Variants in LINGO3 observed in about 807,000 individuals in gnomAD.
The protein encoded by LINGO3 is leucine-rich repeat and immunoglobulin-like domain-containing nogo receptor-interacting protein 3.
For missense variants in LINGO3, 750 were observed against 867.7 expected (o/e 0.86, Z 1.70); for synonymous variants, 427 against 444.2 (o/e 0.96, Z 0.49).
upstream of LINGO3, among the ~76,000 whole-genome samples, chr19:2,292,399 CAAAAA>C (rs1156254881): frequency 3.4e-3 from 144 of 42,602 alleles, no homozygotes; most frequent in Non-Finnish European, 5.5e-3. Flanking sequence ...AACCCTGTCT[CAAAAA>C]AAAAAAAAAA....
chr19:2,299,769 G>A, the LINGO3 span, among the ~76,000 whole-genome samples: 7 of 144,664 alleles, frequency 4.8e-5, no homozygotes, highest in Admixed American at 1.4e-4. Context: ...TGACGCCCAG[G>A]CTGGAGTGCA....
upstream of LINGO3, among the ~76,000 whole-genome samples, chr19:2,294,230 G>A (rs2025553842): frequency 6.6e-6 from 1 of 152,116 alleles, no homozygotes. The surrounding 1 kb of genome is among the most constrained non-coding windows in gnomAD (Gnocchi z 4.3). Flanking sequence ...CACACACCTA[G>A]CCCTATACAG....
rs2025506993 is a variant in LINGO3 at position 2,290,429 on chromosome 19, T to C, written c.1348A>G (p.Thr450Ala). 1 of 1,414,354 alleles carries C rather than the reference T, an allele frequency of 7.1e-7. No homozygotes were observed. The highest frequency in any genetic ancestry group is 1.5e-5 in the South Asian group (1 of 65,750). 87.6% of individuals were successfully genotyped at this position (1,414,354 alleles called of 1,614,324 possible). A position where few individuals can be genotyped will look rare whatever the true frequency, so the allele number is the denominator to read the frequency against. ...CGCGCCCGGCCCGCGCTGGTGGCCG[T>C]CACCGGCCGGTGCTGGGGGGTCACC... Residue 450 changes from threonine to alanine, a missense_variant, in exon 1 of 1, where the codon ACG becomes GCG. Thr to Ala is a moderately conservative substitution (Grantham distance 58). Coordinates refer to ENST00000585527, the Ensembl canonical transcript of LINGO3. This position sits in a 1 kb window ranked among gnomAD's most constrained non-coding sequence, Gnocchi z 6.0.
chr19:2,300,328 G>A, the LINGO3 span, among the ~76,000 whole-genome samples: 25 of 151,884 alleles, frequency 1.6e-4, no homozygotes, highest in Non-Finnish European at 2.5e-4. Context: ...CACTGCGCCC[G>A]GCCCCAGGCT....
chr19:2,287,498 C>G (rs546834663), downstream of LINGO3, among the ~76,000 whole-genome samples: 4 of 152,332 alleles, frequency 2.6e-5, no homozygotes, highest in South Asian at 8.3e-4. This position sits in a 1 kb window ranked among gnomAD's most constrained non-coding sequence, Gnocchi z 4.5. Flanking sequence ...TCACTCATGT[C>G]GAGCCCCCTG....
the LINGO3 span, among the ~76,000 whole-genome samples, chr19:2,300,261 A>C: frequency 6.7e-6 from 1 of 149,488 alleles, no homozygotes; most frequent in African/African-American, 2.5e-5. Context: ...CGAACTCCTG[A>C]CCTCAGGTGA....
chr19:2,288,403 C>A (rs1327942169), downstream of LINGO3, among the ~76,000 whole-genome samples: 1 of 152,230 alleles, frequency 6.6e-6, no homozygotes, highest in African/African-American at 2.4e-5. The surrounding 1 kb of genome is among the most constrained non-coding windows in gnomAD (Gnocchi z 6.5). Context: ...CACGGGTCAG[C>A]AGGGCCGGCC....
At chr19:2,293,362 C>G (rs1189672712), upstream of LINGO3, among the ~76,000 whole-genome samples, 3 of 149,738 alleles carry the variant, frequency 2.0e-5, no homozygotes, top group Non-Finnish European at 3.0e-5. Flanking sequence ...CCGCGCCTGG[C>G]CTTTTTTTTT....
chr19:2,288,392 C>A (rs1256685696), downstream of LINGO3, among the ~76,000 whole-genome samples: 1 of 152,226 alleles, frequency 6.6e-6, no homozygotes, highest in Non-Finnish European at 1.5e-5. This position sits in a 1 kb window ranked among gnomAD's most constrained non-coding sequence, Gnocchi z 6.5. Flanking sequence ...CCCACCTGAG[C>A]CACGGGTCAG....
chr19:2,290,899 A>T lies in LINGO3; in HGVS notation c.878T>A (p.Leu293Gln). 1 of 1,611,204 alleles carries T rather than the reference A, an allele frequency of 6.2e-7. No homozygotes were observed. The highest frequency in any genetic ancestry group is 1.1e-5 in the South Asian group (1 of 90,950). ...CAGGTGCAGCTCGCGCAGGCGGACC[A>T]GGTCCCGGAACGACCCCCGCGGCAC... Residue 293 changes from leucine (L) to glutamine (Q), a missense_variant, in exon 1 of 1, where the codon CTG (leucine) becomes CAG (glutamine). Physicochemically the swap from Leu to Gln is moderately radical, Grantham distance 113. Coordinates refer to ENST00000585527, the Ensembl canonical transcript of LINGO3. The surrounding 1 kb of genome is among the most constrained non-coding windows in gnomAD (Gnocchi z 6.0).
At chr19:2,296,678 C>T (rs532792166), upstream of LINGO3, among the ~76,000 whole-genome samples, 2 of 151,898 alleles carry the variant, frequency 1.3e-5, no homozygotes, top group East Asian at 4.0e-4. Context: ...GGGGTTTCAC[C>T]ATGTGGGCCA....
chr19:2,289,564 T>A (rs2025497493), downstream of LINGO3, among the ~76,000 whole-genome samples: 1 of 151,970 alleles, frequency 6.6e-6, no homozygotes, highest in African/African-American at 2.4e-5. Context: ...GTGTCCACCG[T>A]CTCCCCGATG....
the LINGO3 span, among the ~76,000 whole-genome samples, chr19:2,297,307 T>C: frequency 7.5e-6 from 1 of 132,612 alleles, no homozygotes; most frequent in Admixed American, 7.3e-5. Flanking sequence ...TCCCCCCCTT[T>C]TTTTTTTTTT....
At chr19:2,289,210 G>GCT (rs2025493249), downstream of LINGO3, among the ~76,000 whole-genome samples, 1 of 149,430 alleles carries the variant, frequency 6.7e-6, no homozygotes, top group Non-Finnish European at 1.5e-5. Context: ...CCGGGTGTGA[G>GCT]CTGTGTTTCC....
chr19:2,300,451 C>T, the LINGO3 span, among the ~76,000 whole-genome samples: 3 of 152,090 alleles, frequency 2.0e-5, no homozygotes, highest in South Asian at 6.2e-4. Flanking sequence ...GACCACCCCC[C>T]TCCCAGGAAG....
chr19:2,290,002 A>G lies in LINGO3; in HGVS notation c.1775T>C (p.Ile592Thr). 1 of 1,536,868 alleles carries G rather than the reference A, an allele frequency of 6.5e-7. No homozygotes were observed. Among genetic ancestry groups the G allele is most frequent in the Non-Finnish European group, 8.8e-7 (1 of 1,140,062 alleles). The change falls in exon 1 of 1, where the codon ATC (isoleucine) becomes ACC (threonine). Residue 592 changes from isoleucine to threonine, a missense_variant. By Grantham distance (89) the Ile-to-Thr change is moderately conservative (BLOSUM62 -1). Transcript: ENST00000585527. This position sits in a 1 kb window ranked among gnomAD's most constrained non-coding sequence, Gnocchi z 6.0. ...AGGGTCCGCCCTGGGGACCCCTCAG[A>G]TCATCTTCATGTTGAACTTGCGCGC...
downstream of LINGO3, chr19:2,289,743 C>G (rs2025499241): frequency 3.1e-6 from 1 of 327,512 alleles, no homozygotes; most frequent in South Asian, 6.0e-5. Context: ...GCAGCCCGCA[C>G]CCCCACCCCC....
chr19:2,302,186 T>C, the LINGO3 span, among the ~76,000 whole-genome samples: 1 of 150,034 alleles, frequency 6.7e-6, no homozygotes, highest in African/African-American at 2.4e-5. Context: ...CTCAGTCTCC[T>C]GAGTAGCTGG....
Sources: gnomAD v4.1 joint callset for allele counts (sites outside exome capture counted in the v4.1 genomes callset) on GRCh38, gnomAD v4.1.1 for gene constraint, Gnocchi (gnomAD v3.1) non-coding constraint, MANE v1.5 for transcripts, NCBI Gene and HGNC (gene_info 2026-07-23, HGNC 2026-07-21) for gene names.